Variants in KCNIP1 observed in about 807,000 individuals in gnomAD.
The protein encoded by KCNIP1 is potassium voltage-gated channel interacting protein 1, also known as A-type potassium channel modulatory protein KCNIP1.
In KCNIP1, 18 loss-of-function variants were observed where a neutral mutation model predicts 33.0. The observed-to-expected ratio is 0.55, with a 90% confidence interval of 0.38 to 0.81. The LOEUF is 0.81. KCNIP1 is among the 30% of genes least tolerant of loss of function. The pLI is 0.00. For synonymous variants in KCNIP1, 93 were observed against 98.3 expected (o/e 0.95, Z 0.32); for missense variants, 238 against 271.6 (o/e 0.88, Z 0.87).
Position 170,383,820 on chromosome 5 carries a change from C to A in KCNIP1, c.88+29856C>A, listed in dbSNP as rs143181866. ...CCTGGTCCCTGATGTTGGTCTCAAT[C>A]AGGTGGCACTTGGATTCCTGGGTCC... On this transcript the variant is annotated intron_variant, in intron 1 of 7. Transcript: ENST00000377360. The A allele has an allele frequency of 3.7e-6, 6 of 1,613,996 alleles. No individual in the cohort carries two copies. The African/African-American group carries it at 8.0e-5, about 22-fold the overall frequency.
chr5:170,442,142 C>T (rs1410047821), intron 1 of KCNIP1, among the ~76,000 whole-genome samples: 2 of 152,078 alleles, frequency 1.3e-5, no homozygotes, highest in Non-Finnish European at 2.9e-5. Flanking sequence ...GTACTTAAGA[C>T]GGTGCACCCT....
At chr5:170,367,412 A>AGGAAAGAAAGAAAGAAAGAAAG (rs753131983) in intron 1 of KCNIP1, among the ~76,000 whole-genome samples, 4 of 104,036 alleles carry the variant, frequency 3.8e-5, no homozygotes, top group Admixed American at 1.0e-4. Context: ...AAAGAAAGAA[A>AGGAAAGAAAGAAAGAAAGAAAG]GAAAGAAAGG....
At chr5:170,658,812 A>G (rs1477674119) in intron 1 of KCNIP1, among the ~76,000 whole-genome samples, 1 of 152,236 alleles carries the variant, frequency 6.6e-6, no homozygotes, top group Non-Finnish European at 1.5e-5. Context: ...CGGTCACTGC[A>G]AGACTGCACC....
intron 1 of KCNIP1, among the ~76,000 whole-genome samples, chr5:170,361,167 C>T (rs1382739841): frequency 1.3e-5 from 2 of 152,218 alleles, no homozygotes; most frequent in Non-Finnish European, 2.9e-5. Flanking sequence ...GCGGTTCTTC[C>T]CCGTTGTCCA....
At chr5:170,455,613 C>T (rs138123891) in intron 1 of KCNIP1, among the ~76,000 whole-genome samples, 2 of 152,282 alleles carry the variant, frequency 1.3e-5, no homozygotes, top group East Asian at 3.9e-4. Context: ...ACAATCTGTT[C>T]CTTGGCCACA....
At chr5:170,555,836 G>T (rs1298157068) in intron 1 of KCNIP1, among the ~76,000 whole-genome samples, 1 of 152,198 alleles carries the variant, frequency 6.6e-6, no homozygotes, top group Non-Finnish European at 1.5e-5. Context: ...TGGTTATTGA[G>T]ACTGTCTTAT....
chr5:170,690,008 T>C (rs866024480), intron 1 of KCNIP1, among the ~76,000 whole-genome samples: 21 of 152,180 alleles, frequency 1.4e-4, no homozygotes, highest in Middle Eastern at 3.2e-3. Context: ...CTTTATCCTG[T>C]AGACAAAGGG....
intron 1 of KCNIP1, among the ~76,000 whole-genome samples, chr5:170,598,617 T>C (rs1758551091): frequency 6.6e-6 from 1 of 152,090 alleles, no homozygotes; most frequent in South Asian, 2.1e-4. Flanking sequence ...GAAACTTTTA[T>C]CCAAAGACAC....
At chr5:170,645,494 A>G (rs9968699) in intron 1 of KCNIP1, among the ~76,000 whole-genome samples, 16,948 of 152,208 alleles carry the variant, frequency 0.11, 1,085 homozygotes, top group African/African-American at 0.16. Context: ...TATAAATGCA[A>G]GGAGGAATAC....
chr5:170,589,794 T>TGGTGTGCGGTGCGGTGCGGTGCG (rs1554103000), intron 1 of KCNIP1, among the ~76,000 whole-genome samples: 1 of 113,164 alleles, frequency 8.8e-6, no homozygotes, highest in African/African-American at 3.0e-5. Context: ...TGTGATGTGG[T>TGGTGTGCGGTGCGGTGCGGTGCG]GTGCGGTGCG....
At chr5:170,733,930 A>G in intron 7 of KCNIP1, 32 bp downstream of exon 7, 1 of 1,591,576 alleles carries the variant, frequency 6.3e-7, no homozygotes, top group South Asian at 1.1e-5. Context: ...CAATAACTCT[A>G]CATCTGGGAA....
chr5:170,572,771 C>T (rs978110421), intron 1 of KCNIP1, among the ~76,000 whole-genome samples: 3 of 152,202 alleles, frequency 2.0e-5, no homozygotes, highest in Non-Finnish European at 2.9e-5. Context: ...TCTGTGCTAT[C>T]GGATTCAAAC....
chr5:170,509,323 CAGA>C lies in KCNIP1; in HGVS notation c.61+4696_61+4698del, dbSNP rs755198681. On this transcript the variant is annotated intron_variant, in intron 1 of 7. Coordinates refer to ENST00000328939, the MANE Select transcript of KCNIP1 (RefSeq NM_014592.4). ...AGGCACAGTTCTGGTCCCTCAATCC[CAGA>C]AGAAGCTCAATGGAGCTCAAGATAA... Among the ~76,000 whole-genome samples, 3 of 152,156 alleles carry C rather than the reference CAGA, an allele frequency of 2.0e-5. No homozygotes were observed. In the South Asian group the frequency reaches 6.2e-4, roughly 31 times the overall value.
intron 1 of KCNIP1, among the ~76,000 whole-genome samples, chr5:170,688,124 G>T (rs1762604871): frequency 6.6e-6 from 1 of 152,176 alleles, no homozygotes; most frequent in Admixed American, 6.5e-5. Context: ...ATGGCTACCA[G>T]GTGAGCACCA....
In KCNIP1 at chr5:170,429,683, A is replaced by G. The variant is rs116135453; in HGVS notation, c.88+75719A>G. Among the ~76,000 whole-genome samples, 922 of 152,220 alleles carry G rather than the reference A, an allele frequency of 6.1e-3. 11 individuals are homozygous for G. The highest frequency in any genetic ancestry group is 0.021 in the African/African-American group (873 of 41,532). ...CTCTCTACATCCATGTATACAGGTT[A>G]TTTATCTCCCATTTATGGGTGGGAA... On this transcript the variant is annotated intron_variant, in intron 1 of 7. Transcript: ENST00000377360.
At chr5:170,474,861 T>C (rs1232615079) in intron 1 of KCNIP1, among the ~76,000 whole-genome samples, 1 of 152,148 alleles carries the variant, frequency 6.6e-6, no homozygotes, top group Non-Finnish European at 1.5e-5. Flanking sequence ...GCAAGATTTT[T>C]TGTGAAGAGC....
At chr5:170,600,453 C>A (rs1758648694) in intron 1 of KCNIP1, among the ~76,000 whole-genome samples, 1 of 152,172 alleles carries the variant, frequency 6.6e-6, no homozygotes, top group South Asian at 2.1e-4. Flanking sequence ...TTCTCCTACT[C>A]TTGGGAGCCT....
At chr5:170,410,786 T>A (rs1755165725) in intron 1 of KCNIP1, among the ~76,000 whole-genome samples, 1 of 152,190 alleles carries the variant, frequency 6.6e-6, no homozygotes, top group South Asian at 2.1e-4. Flanking sequence ...GGTGTCTGAA[T>A]GAATCTCAGT....
chr5:170,399,924 C>A (rs1043886761), intron 1 of KCNIP1, among the ~76,000 whole-genome samples: 7 of 152,190 alleles, frequency 4.6e-5, no homozygotes, highest in African/African-American at 1.7e-4. Context: ...ATGATCAGAG[C>A]CAAAGAATAT....
Sources: gnomAD v4.1 joint callset for allele counts (sites outside exome capture counted in the v4.1 genomes callset) on GRCh38, gnomAD v4.1.1 for gene constraint, MANE v1.5 for transcripts, NCBI Gene and HGNC (gene_info 2026-07-23, HGNC 2026-07-21) for gene names.